The following ABL1 variants were observed in gnomAD, a reference collection of about 807,000 sequenced individuals.
ABL1 encodes tyrosine-protein kinase ABL1.
In ABL1, 11 loss-of-function variants were observed where a neutral mutation model predicts 94.7. The observed-to-expected ratio is 0.12, with a 90% confidence interval of 0.07 to 0.19. ABL1 has a LOEUF of 0.19. Ranked by LOEUF, ABL1 falls within the 10% of genes least tolerant of loss-of-function variation. The pLI is 1.00. For synonymous variants in ABL1, 656 were observed against 622.4 expected (o/e 1.05, Z -0.80); for missense variants, 1,082 against 1,489.4 (o/e 0.73, Z 4.50).
chr9:130,783,677 A>G (rs1407562436), intron 1 of ABL1, among the ~76,000 whole-genome samples: 1 of 151,900 alleles, frequency 6.6e-6, no homozygotes, highest in African/African-American at 2.4e-5. Context: ...TTTTTTTGTG[A>G]CAGAGTCTCG....
chr9:130,793,823 A>G (rs1829939089), intron 1 of ABL1, among the ~76,000 whole-genome samples: 1 of 152,178 alleles, frequency 6.6e-6, no homozygotes, highest in African/African-American at 2.4e-5. Context: ...AGTACTCATT[A>G]CTGCCTGAGC....
rs781568418 is a variant in ABL1, at chr9:130,863,069, G to A, written c.822+34G>A. On this transcript the variant is annotated intron_variant, in intron 4 of 10. Coordinates refer to ENST00000318560, the MANE Select transcript of ABL1 (RefSeq NM_005157.6). This position sits in a 1 kb window ranked among gnomAD's most constrained non-coding sequence, Gnocchi z 4.3. ...GGACTGCCGGGGGTGCCCAGGGTAC[G>A]TGGGGCAAGGCGTCTGCTGGCATTA... 6 of 1,555,260 alleles carry A rather than the reference G, an allele frequency of 3.9e-6. No individual in the cohort carries two copies. Among genetic ancestry groups the A allele is most frequent in the Non-Finnish European group, 2.6e-6 (3 of 1,147,386 alleles).
chr9:130,844,536 T>C (rs1418563062), intron 1 of ABL1, among the ~76,000 whole-genome samples: 1 of 151,974 alleles, frequency 6.6e-6, no homozygotes, highest in Non-Finnish European at 1.5e-5. Flanking sequence ...ACAGGGACTG[T>C]GTATCTTCAG....
At chr9:130,714,225 T>C (rs1831406949) in exon 1 of ABL1, 1 of 1,259,820 alleles carries the variant, frequency 7.9e-7, no homozygotes, top group Admixed American at 3.2e-5. Flanking sequence ...GCAGCGAATG[T>C]GAAATCCCAC....
At chr9:130,796,448 T>A (rs1353288987) in intron 1 of ABL1, among the ~76,000 whole-genome samples, 5 of 151,976 alleles carry the variant, frequency 3.3e-5, no homozygotes, top group Non-Finnish European at 7.4e-5. Context: ...GAGGTGGAGG[T>A]TGCAGTGGGC....
intron 1 of ABL1, among the ~76,000 whole-genome samples, chr9:130,842,716 C>T (rs1588262845): frequency 6.6e-6 from 1 of 152,222 alleles, no homozygotes; most frequent in African/African-American, 2.4e-5. Flanking sequence ...GCTTTCAAAC[C>T]AGCCATGGCT....
upstream of ABL1, among the ~76,000 whole-genome samples, chr9:130,832,023 A>C (rs1000881183): frequency 2.0e-5 from 3 of 152,236 alleles, no homozygotes; most frequent in Non-Finnish European, 2.9e-5. Flanking sequence ...CATTTTAAGC[A>C]AGCCCCACAT....
intron 4 of ABL1, among the ~76,000 whole-genome samples, chr9:130,866,275 T>A (rs1470972156): frequency 6.6e-6 from 1 of 152,180 alleles, no homozygotes; most frequent in African/African-American, 2.4e-5. Context: ...TCTTCTTTTT[T>A]AAAATTGAAC....
At chr9:130,793,536 T>C (rs1057209555) in intron 1 of ABL1, among the ~76,000 whole-genome samples, 1 of 152,236 alleles carries the variant, frequency 6.6e-6, no homozygotes, top group Non-Finnish European at 1.5e-5. Flanking sequence ...TTTCAGACTA[T>C]TTTTTCTGAG....
At chr9:130,878,337 AAAGGT>A in intron 7 of ABL1, 73 bp from the exon 8 acceptor site, 1 of 1,546,646 alleles carries the variant, frequency 6.5e-7, no homozygotes, top group Non-Finnish European at 8.9e-7. Context: ...GGTCTGCTGC[AAAGGT>A]AACTGATTTT....
At chr9:130,724,766 AAAAAGC>A in intron 1 of ABL1, 1 of 470,236 alleles carries the variant, frequency 2.1e-6, no homozygotes, top group South Asian at 1.6e-5. Context: ...AAAAAAAAAA[AAAAAGC>A]AAATAAATTC....
chr9:130,854,773 A>G (rs1830946532), intron 2 of ABL1, 28 bp from the exon 3 acceptor site: 2 of 1,591,198 alleles, frequency 1.3e-6, no homozygotes, highest in Non-Finnish European at 1.7e-6. Flanking sequence ...CAAAGCTGAT[A>G]TGTCTGATTT....
chr9:130,753,118 A>G (rs13300566), intron 1 of ABL1, among the ~76,000 whole-genome samples: 45,132 of 146,678 alleles, frequency 0.31, 9,244 homozygotes, highest in African/African-American at 0.56. Context: ...TTAGCTGGGC[A>G]TGGTGGCTGG....
chr9:130,861,035 A>G (rs1831063141), intron 3 of ABL1, among the ~76,000 whole-genome samples: 2 of 152,002 alleles, frequency 1.3e-5, no homozygotes, highest in South Asian at 4.1e-4. Context: ...TCTGAGCGTG[A>G]CTCATGGTGT....
At chr9:130,882,415 C>G (rs1367910300) in intron 10 of ABL1, among the ~76,000 whole-genome samples, 1 of 152,146 alleles carries the variant, frequency 6.6e-6, no homozygotes, top group Non-Finnish European at 1.5e-5. Flanking sequence ...GCCTTGGGTT[C>G]TGATAAATGC....
chr9:130,731,208 T>C (rs149664829), intron 1 of ABL1, among the ~76,000 whole-genome samples: 8 of 152,024 alleles, frequency 5.3e-5, no homozygotes, highest in African/African-American at 1.9e-4. Flanking sequence ...GGTTTCACCA[T>C]GTTGGCCAGG....
At chr9:130,787,856 C>T (rs890920029) in intron 1 of ABL1, among the ~76,000 whole-genome samples, 11 of 152,204 alleles carry the variant, frequency 7.2e-5, no homozygotes, top group East Asian at 3.9e-4. Context: ...ACAGGGTTTG[C>T]GTGTCCCATT....
intron 3 of ABL1, among the ~76,000 whole-genome samples, chr9:130,855,940 G>C (rs576095486): frequency 1.3e-5 from 2 of 151,994 alleles, no homozygotes; most frequent in Non-Finnish European, 2.9e-5. Flanking sequence ...TTTTGAGATG[G>C]AGTCTTGCCC....
chr9:130,775,339 A>G (rs1231970821), intron 1 of ABL1, among the ~76,000 whole-genome samples: 1 of 152,252 alleles, frequency 6.6e-6, no homozygotes, highest in Non-Finnish European at 1.5e-5. Flanking sequence ...AAACTGTCAG[A>G]TTCAGAATAT....
Sources: allele counts gnomAD v4.1 joint callset (sites outside exome capture counted in the v4.1 genomes callset), GRCh38; gene constraint gnomAD v4.1.1; non-coding constraint Gnocchi (gnomAD v3.1); transcripts MANE v1.5; gene names NCBI Gene and HGNC (gene_info 2026-07-23, HGNC 2026-07-21).